UNC13C: variants seen among roughly 807,000 people sequenced by gnomAD.
UNC13C encodes protein unc-13 homolog C.
In UNC13C, 174 loss-of-function variants were observed where a neutral mutation model predicts 245.4. The ratio of observed to expected loss-of-function variants is 0.71; its 90% CI spans 0.63 to 0.80. The LOEUF (loss-of-function observed/expected upper bound fraction) is 0.80. Among genes scored for constraint, UNC13C ranks in the 30% least tolerant of loss-of-function variants. The pLI, the probability that UNC13C is intolerant of heterozygous loss-of-function variation, is 0.00. For synonymous variants in UNC13C, 992 were observed against 895.1 expected, an observed-to-expected ratio of 1.11 and a Z score of -1.93; for missense variants, 2,829 against 2,602.9, an observed-to-expected ratio of 1.09 and a Z score of -1.89.
Position 54,393,097 on chromosome 15 carries a change from A to G in UNC13C, c.4763A>G (p.Asn1588Ser), listed in dbSNP as rs763728280. Residue 1588 changes from asparagine to serine, a missense_variant, in exon 18 of 33, where the codon AAT becomes AGT. Physicochemically the swap from Asn to Ser is conservative, Grantham distance 46 (BLOSUM62 1). Transcript: ENST00000260323. ...GAAGATCAGGGACCAACCACCAAGA[A>G]TTTGGATTTTTGGCCCCAACTTATT... The part of the protein sequence containing the change: ...PREDQGPTTK[N>S]LDFWPQLITL... 9.9e-6 allele frequency: 16 copies of G among 1,610,820 alleles called. No individual in the cohort carries two copies. The South Asian group carries it at 1.7e-4, about 17-fold the overall frequency.
chr15:54,424,962 A>C (rs547050891), intron 19 of UNC13C, among the ~76,000 whole-genome samples: 1 of 151,954 alleles, frequency 6.6e-6, no homozygotes, highest in African/African-American at 2.4e-5. Flanking sequence ...GGGTTCTTTA[A>C]GAATGCTCCA....
At chr15:54,077,369 TTCTTTTC>T (rs1898684288) in intron 2 of UNC13C, among the ~76,000 whole-genome samples, 3 of 101,208 alleles carry the variant, frequency 3.0e-5, no homozygotes, top group African/African-American at 6.9e-5. Context: ...TTCTTTTCTT[TTCTTTTC>T]TTTTTTTTTT....
At chr15:54,288,135 A>G (rs1427725564) in intron 10 of UNC13C, among the ~76,000 whole-genome samples, 3 of 152,202 alleles carry the variant, frequency 2.0e-5, no homozygotes, top group African/African-American at 4.8e-5. Flanking sequence ...TGGAAAATAC[A>G]TAGTCTTTGT....
In UNC13C at chr15:54,014,550, T is replaced by C; in HGVS notation, c.1647T>C (p.Ser549=). ...TTTTCACTGCTAAACTTAGTCGTTC[T>C]GAATCAGATTTTTCCAAATTGTGTC... ...SDFFTAKLSR[S]ESDFSKLCQS... is the part of the protein sequence containing the mutation. Residue 549 remains serine (S), a synonymous_variant, in exon 2 of 33, where the codon TCT becomes TCC. Coordinates refer to ENST00000260323, the MANE Select transcript of UNC13C (RefSeq NM_001080534.3). The C allele has an allele frequency of 6.2e-7, 1 of 1,613,840 alleles. No homozygotes were observed. The highest frequency in any genetic ancestry group is 1.1e-5 in the South Asian group (1 of 91,064).
intron 19 of UNC13C, among the ~76,000 whole-genome samples, chr15:54,452,005 T>TTTGTATCA (rs1467056274): frequency 6.6e-6 from 1 of 152,194 alleles, no homozygotes; most frequent in Non-Finnish European, 1.5e-5. Context: ...TAGTGTATTA[T>TTTGTATCA]TTGTATCATT....
intron 19 of UNC13C, among the ~76,000 whole-genome samples, chr15:54,469,976 T>C (rs1892372315): frequency 6.6e-6 from 1 of 151,584 alleles, no homozygotes; most frequent in African/African-American, 2.4e-5. Flanking sequence ...TAAAGTGATG[T>C]TTAATTTTAT....
intron 19 of UNC13C, among the ~76,000 whole-genome samples, chr15:54,429,068 G>A (rs1227424934): frequency 6.6e-6 from 1 of 151,644 alleles, no homozygotes; most frequent in Non-Finnish European, 1.5e-5. Context: ...GCAATGAAAT[G>A]AAACAGTGCT....
At chr15:54,615,107 T>G (rs767115067) in intron 30 of UNC13C, among the ~76,000 whole-genome samples, 6 of 152,018 alleles carry the variant, frequency 3.9e-5, no homozygotes, top group Non-Finnish European at 7.4e-5. Context: ...TTTTTAAATT[T>G]TTCGTGGGTA....
intron 2 of UNC13C, among the ~76,000 whole-genome samples, chr15:54,077,497 G>T (rs984541512): frequency 6.9e-6 from 1 of 144,272 alleles, no homozygotes; most frequent in African/African-American, 2.6e-5. Flanking sequence ...TCCTGCCTCA[G>T]CCTCCCGAGT....
In UNC13C at chr15:54,143,690, T is replaced by A; in HGVS notation, c.3071+6T>A. ...GCACTCCAGGTGTGTGGTGGGTAAG[T>A]ACCTTCATACCTTTCTAATTTATTC... is the stretch of plus-strand genomic sequence containing the variant. On this transcript the variant is annotated splice_donor_region_variant and intron_variant, in intron 4 of 32. Transcript: ENST00000260323. 1 of 1,609,356 alleles carries A rather than the reference T, an allele frequency of 6.2e-7. No individual in the cohort carries two copies. The highest frequency in any genetic ancestry group is 8.5e-7 in the Non-Finnish European group (1 of 1,176,072).
intron 1 of UNC13C, among the ~76,000 whole-genome samples, chr15:54,011,083 A>G (rs971416074): frequency 6.6e-6 from 1 of 152,134 alleles, no homozygotes; most frequent in Non-Finnish European, 1.5e-5. Context: ...TGAGGGCTGG[A>G]TAATGAATGA....
chr15:54,278,508 A>G lies in UNC13C; in HGVS notation c.3818+13012A>G, dbSNP rs370180160. Among the ~76,000 whole-genome samples the G allele has an allele frequency of 2.6e-5, 4 of 152,124 alleles. No individual in the cohort carries two copies. In the South Asian group the frequency reaches 8.3e-4, roughly 32 times the overall value. On this transcript the variant is annotated intron_variant, in intron 10 of 32. Coordinates refer to ENST00000260323, the MANE Select transcript of UNC13C (RefSeq NM_001080534.3). ...GATCAATGCTGTTCTCAAATGAATCAAATTTAGTATATCTTGATGATCCCA... is the reference window on the plus strand; with the variant it reads ...GATCAATGCTGTTCTCAAATGAATCGAATTTAGTATATCTTGATGATCCCA...
the UNC13C span, among the ~76,000 whole-genome samples, chr15:53,953,997 T>C: frequency 6.6e-6 from 1 of 152,176 alleles, no homozygotes; most frequent in African/African-American, 2.4e-5. Flanking sequence ...CCGAGCTTCA[T>C]AGTGAAGGAG....
chr15:53,900,625 T>A, the UNC13C span, among the ~76,000 whole-genome samples: 1 of 152,202 alleles, frequency 6.6e-6, no homozygotes, highest in African/African-American at 2.4e-5. Context: ...CAGGGGATAT[T>A]GCAGTATAAA....
intron 2 of UNC13C, among the ~76,000 whole-genome samples, chr15:54,065,754 C>A (rs571503810): frequency 2.3e-4 from 35 of 152,292 alleles, no homozygotes; most frequent in Admixed American, 1.8e-3. Context: ...TGGCCCCAAT[C>A]TAACTGCAAG....
chr15:54,555,760 G>A (rs1352016297), intron 29 of UNC13C, among the ~76,000 whole-genome samples: 3 of 152,000 alleles, frequency 2.0e-5, no homozygotes, highest in Non-Finnish European at 4.4e-5. Context: ...ATCCACAATA[G>A]ACTGTCCTTA....
intron 18 of UNC13C, among the ~76,000 whole-genome samples, chr15:54,407,616 C>CA (rs1567245427): frequency 6.6e-6 from 1 of 151,956 alleles, no homozygotes; most frequent in Non-Finnish European, 1.5e-5. Flanking sequence ...GGTAATAGCA[C>CA]AACCAAAATT....
intron 2 of UNC13C, among the ~76,000 whole-genome samples, chr15:54,132,390 CTGTTGAGGCTGTAAA>C (rs964072838): frequency 5.9e-5 from 9 of 152,066 alleles, no homozygotes; most frequent in African/African-American, 2.2e-4. Context: ...TTTTAGATTA[CTGTTGAGGCTGTAAA>C]TGAGTGATCA....
intron 25 of UNC13C, among the ~76,000 whole-genome samples, chr15:54,532,482 A>C (rs1001517712): frequency 1.3e-5 from 2 of 152,216 alleles, no homozygotes; most frequent in African/African-American, 4.8e-5. Context: ...ATACACCATG[A>C]AATACTATTC....
Sources: allele counts gnomAD v4.1 joint callset (sites outside exome capture counted in the v4.1 genomes callset), GRCh38; gene constraint gnomAD v4.1.1; transcripts MANE v1.5; gene names NCBI Gene and HGNC (gene_info 2026-07-23, HGNC 2026-07-21).